ZFHX3: variants seen among roughly 807,000 people sequenced by gnomAD.
ZFHX3 encodes the protein zinc finger homeobox protein 3.
ZFHX3 carries 42 observed loss-of-function variants against 279.1 expected under a neutral mutation model. The ratio of observed to expected loss-of-function variants is 0.15; its 90% CI spans 0.12 to 0.19. ZFHX3 has a LOEUF of 0.19. Ranked by LOEUF, ZFHX3 falls within the 10% of genes least tolerant of loss-of-function variation. ZFHX3 has a pLI of 1.00. For synonymous variants in ZFHX3, 2,293 were observed against 1,957.8 expected (o/e 1.17, Z -4.52); for missense variants, 4,981 against 4,754.0 (o/e 1.05, Z -1.40).
In ZFHX3 at chr16:73,266,210, G is replaced by A. The variant is rs554544154; in HGVS notation, c.-1193-9074C>T. 1.1e-4 allele frequency among the ~76,000 whole-genome samples: 17 copies of A among 152,312 alleles called. No homozygotes were observed. In the East Asian group the frequency reaches 3.3e-3, roughly 29 times the overall value. On this transcript the variant is annotated intron_variant, in intron 4 of 17. Coordinates refer to the ZFHX3 transcript ENST00000641206. Reference sequence around the variant, plus strand: ...CCGCCTGTATCCAGTGGGCAGTTGCGACTGGGTTCTTTTCTCAATTCTAGT... The same window carrying A: ...CCGCCTGTATCCAGTGGGCAGTTGCAACTGGGTTCTTTTCTCAATTCTAGT...
chr16:73,475,897 T>C (rs77253999), intron 2 of ZFHX3, among the ~76,000 whole-genome samples: 3,579 of 152,272 alleles, frequency 0.024, 96 homozygotes, highest in African/African-American at 0.067. Context: ...TCTCAACTTA[T>C]GATTCCAAAT....
chr16:73,733,485 T>C lies in ZFHX3; in HGVS notation c.-1607-53245A>G, dbSNP rs111690453. Among the ~76,000 whole-genome samples, 858 of 152,296 alleles carry C rather than the reference T, an allele frequency of 5.6e-3. 9 individuals carry two copies. The highest frequency in any genetic ancestry group is 0.019 in the African/African-American group (800 of 41,552). ...TTTATATACCCCCAAATTACACTAA[T>C]TGAAGTACAAACAATTTGTGACTAA... On this transcript the variant is annotated intron_variant, in intron 1 of 17. Coordinates refer to the ZFHX3 transcript ENST00000641206.
intron 2 of ZFHX3, among the ~76,000 whole-genome samples, chr16:73,593,055 C>T (rs1007049303): frequency 4.0e-5 from 6 of 151,656 alleles, no homozygotes; most frequent in Non-Finnish European, 8.8e-5. Flanking sequence ...TACAACTTAC[C>T]AAAAATGGTC....
chr16:73,570,949 C>CAAA (rs71156173), intron 2 of ZFHX3, among the ~76,000 whole-genome samples: 23,805 of 141,832 alleles, frequency 0.17, 2,369 homozygotes, highest in Non-Finnish European at 0.22. Flanking sequence ...CTTTTCTTCT[C>CAAA]AAAAAAAAAA....
At chr16:72,900,148 A>AC (rs891948115) in intron 3 of ZFHX3, among the ~76,000 whole-genome samples, 1 of 151,860 alleles carries the variant, frequency 6.6e-6, no homozygotes. Flanking sequence ...AAAAAAAAAA[A>AC]AAAAAAACAA....
chr16:73,710,301 G>C (rs754083438), intron 1 of ZFHX3, among the ~76,000 whole-genome samples: 1 of 152,160 alleles, frequency 6.6e-6, no homozygotes, highest in Non-Finnish European at 1.5e-5. Flanking sequence ...AAATGGTAAC[G>C]ATCATGTGGT....
intron 2 of ZFHX3, chr16:73,487,549 T>A (rs528522905): frequency 6.1e-6 from 2 of 326,180 alleles, no homozygotes; most frequent in African/African-American, 2.2e-5. Context: ...CACAGGCACA[T>A]GCCACCATGC....
intron 4 of ZFHX3, among the ~76,000 whole-genome samples, chr16:72,881,432 G>C (rs1235026074): frequency 6.6e-6 from 1 of 152,118 alleles, no homozygotes; most frequent in East Asian, 1.9e-4. Context: ...GTCACAGTTT[G>C]AAGGGGGTTC....
chr16:73,298,082 C>G (rs2014960251), intron 4 of ZFHX3, among the ~76,000 whole-genome samples: 1 of 151,616 alleles, frequency 6.6e-6, no homozygotes, highest in Non-Finnish European at 1.5e-5. Flanking sequence ...TACTAGCGAC[C>G]TGGGAGGCTG....
chr16:73,560,731 T>G (rs2020357428), intron 2 of ZFHX3, among the ~76,000 whole-genome samples: 1 of 152,182 alleles, frequency 6.6e-6, no homozygotes, highest in South Asian at 2.1e-4. Flanking sequence ...AGATAAGATC[T>G]CCATAATCAG....
chr16:72,851,117 C>T (rs1356119478), intron 4 of ZFHX3, among the ~76,000 whole-genome samples: 1 of 152,118 alleles, frequency 6.6e-6, no homozygotes, highest in Non-Finnish European at 1.5e-5. Flanking sequence ...CATGGAACGT[C>T]ATCACTTCCA....
chr16:73,140,476 C>T (rs879765664), intron 6 of ZFHX3, among the ~76,000 whole-genome samples: 11 of 152,052 alleles, frequency 7.2e-5, no homozygotes, highest in Non-Finnish European at 1.5e-4. Flanking sequence ...GTCTGGAGTT[C>T]GGGTTAAAGG....
At chr16:73,138,430 G>T (rs779247285) in intron 6 of ZFHX3, among the ~76,000 whole-genome samples, 1 of 152,152 alleles carries the variant, frequency 6.6e-6, no homozygotes, top group Non-Finnish European at 1.5e-5. Flanking sequence ...GGATCTGTCC[G>T]CTGCAGAGAG....
In ZFHX3 at chr16:72,851,074, T is replaced by A. The variant is rs565064936; in HGVS notation, c.3449-21215A>T. Among the ~76,000 whole-genome samples, 13 of 152,266 alleles carry A rather than the reference T, an allele frequency of 8.5e-5. No individual in the cohort carries two copies. The South Asian group carries it at 1.9e-3, about 22-fold the overall frequency. ...GGATAAACAGCAGAAATATTTCCTTTCACTTATAAATAGAAAGTGCCATTT... is the reference window on the plus strand; with the variant it reads ...GGATAAACAGCAGAAATATTTCCTTACACTTATAAATAGAAAGTGCCATTT... On this transcript the variant is annotated intron_variant, in intron 4 of 9. Transcript: ENST00000268489.
intron 1 of ZFHX3, among the ~76,000 whole-genome samples, chr16:72,996,017 C>T (rs1316642017): frequency 6.6e-6 from 1 of 152,022 alleles, no homozygotes; most frequent in Non-Finnish European, 1.5e-5. Context: ...TCTGTAATCC[C>T]AACACTTTGG....
chr16:73,278,376 G>T (rs2014358441), intron 4 of ZFHX3, among the ~76,000 whole-genome samples: 1 of 152,198 alleles, frequency 6.6e-6, no homozygotes, highest in African/African-American at 2.4e-5. Flanking sequence ...AGTTGTGGTT[G>T]CTTGCTTGCT....
intron 3 of ZFHX3, among the ~76,000 whole-genome samples, chr16:73,412,823 C>T (rs527550722): frequency 6.6e-6 from 1 of 152,318 alleles, no homozygotes; most frequent in African/African-American, 2.4e-5. Flanking sequence ...TTGGATTCTT[C>T]CAAATTCTAG....
chr16:73,861,052 C>A (rs1961870186), intron 1 of ZFHX3, among the ~76,000 whole-genome samples: 1 of 151,578 alleles, frequency 6.6e-6, no homozygotes, highest in African/African-American at 2.4e-5. Context: ...CAGCCTTGGC[C>A]TTCTGGGCTC....
chr16:73,002,844 A>G (rs1393177610), intron 1 of ZFHX3, among the ~76,000 whole-genome samples: 1 of 152,218 alleles, frequency 6.6e-6, no homozygotes, highest in Non-Finnish European at 1.5e-5. Flanking sequence ...GCAAACTTTT[A>G]AGCACATATT....
Sources: gnomAD v4.1 joint callset for allele counts (sites outside exome capture counted in the v4.1 genomes callset) on GRCh38, gnomAD v4.1.1 for gene constraint, MANE v1.5 for transcripts, NCBI Gene and HGNC (gene_info 2026-07-23, HGNC 2026-07-21) for gene names.